The following KLHL6 variants were observed in gnomAD, a reference collection of about 807,000 sequenced individuals.
KLHL6 encodes kelch like family member 6.
A neutral mutation model predicts 58.6 loss-of-function variants in KLHL6; 41 were observed. The observed-to-expected ratio is 0.70, with a 90% confidence interval of 0.55 to 0.91. The LOEUF is 0.91. KLHL6 is among the 40% of genes least tolerant of loss of function. The pLI, the probability that KLHL6 is intolerant of heterozygous loss-of-function variation, is 0.00. For missense variants in KLHL6, 714 were observed against 805.6 expected (o/e 0.89, Z 1.38); for synonymous variants, 338 against 322.7 (o/e 1.05, Z -0.51).
chr3:183,497,030 G>A (rs1717731195), intron 4 of KLHL6, among the ~76,000 whole-genome samples: 1 of 152,048 alleles, frequency 6.6e-6, no homozygotes, highest in African/African-American at 2.4e-5. Flanking sequence ...TGTAATCCCA[G>A]CACTTTGGGA....
At chr3:183,518,188 T>C (rs1189938193) in intron 2 of KLHL6, among the ~76,000 whole-genome samples, 16 of 152,086 alleles carry the variant, frequency 1.1e-4, no homozygotes. Flanking sequence ...GAGTTGGAAG[T>C]TCTGGGTTTA....
At chr3:183,534,084 A>ACTTTACTTTTAAAGTACTTTAAAAGTG in intron 1 of KLHL6, among the ~76,000 whole-genome samples, 1 of 131,422 alleles carries the variant, frequency 7.6e-6, no homozygotes, top group East Asian at 2.0e-4. Context: ...CTTTAAAAGT[A>ACTTTACTTTTAAAGTACTTTAAAAGTG]CTTTACTTTT....
intron 2 of KLHL6, among the ~76,000 whole-genome samples, chr3:183,512,716 C>A (rs1418340974): frequency 1.3e-5 from 2 of 152,096 alleles, no homozygotes; most frequent in Admixed American, 1.3e-4. Flanking sequence ...GTCTCGAACT[C>A]CTGACCTCAG....
chr3:183,512,568 C>T (rs1274207868), intron 2 of KLHL6, among the ~76,000 whole-genome samples: 2 of 151,808 alleles, frequency 1.3e-5, no homozygotes, highest in African/African-American at 2.4e-5. Flanking sequence ...CTTGGCTCAC[C>T]ACAGCCTCCG....
intron 1 of KLHL6, chr3:183,548,917 T>C (rs1712814421): frequency 6.6e-6 from 1 of 151,768 alleles, no homozygotes; most frequent in Non-Finnish European, 1.5e-5. Context: ...ACACCGCATG[T>C]TCTCACTCAT....
chr3:183,518,539 T>C (rs1248832836), intron 2 of KLHL6, among the ~76,000 whole-genome samples: 1 of 152,130 alleles, frequency 6.6e-6, no homozygotes, highest in Non-Finnish European at 1.5e-5. Flanking sequence ...TGGATTTTCA[T>C]TACAATTAAA....
chr3:183,553,740 T>C (rs1342374161), intron 1 of KLHL6, among the ~76,000 whole-genome samples: 1 of 152,234 alleles, frequency 6.6e-6, no homozygotes, highest in Non-Finnish European at 1.5e-5. Flanking sequence ...GCTCCAGCAA[T>C]GACCAGATAT....
chr3:183,499,081 C>T lies in KLHL6; in HGVS notation c.1147+509G>A, dbSNP rs1717793360. On this transcript the variant is annotated intron_variant, in intron 4 of 6. Transcript: ENST00000341319. The surrounding 1 kb of genome is among the most constrained non-coding windows in gnomAD (Gnocchi z 4.6). ...CGCTGGCCGGACGAGGTGGCTCACGCCTGTAATCCCAGCACTTTGGGAGGC... is the reference window on the plus strand; with the variant it reads ...CGCTGGCCGGACGAGGTGGCTCACGTCTGTAATCCCAGCACTTTGGGAGGC... Among the ~76,000 whole-genome samples the T allele has an allele frequency of 6.6e-6, 1 of 152,196 alleles. No homozygotes were observed. The highest frequency in any genetic ancestry group is 2.4e-5 in the African/African-American group (1 of 41,450).
rs763852026 is a variant in KLHL6 at position 183,489,748 on chromosome 3, G to A, written c.*2179C>T. ...AACTGTCACGCTTCTAAGGCACAGA[G>A]CATTTCACACACCAACATACATTTA... On this transcript the variant is annotated 3_prime_UTR_variant, in exon 7 of 7. Transcript: ENST00000341319. The A allele has an allele frequency of 2.0e-5, 3 of 152,210 alleles. No individual in the cohort carries two copies. Among genetic ancestry groups the A allele is most frequent in the Non-Finnish European group, 4.4e-5 (3 of 68,036 alleles). 9.4% of individuals were successfully genotyped at this position (152,210 alleles called of 1,614,324 possible).
intron 4 of KLHL6, among the ~76,000 whole-genome samples, chr3:183,497,021 G>A (rs959174427): frequency 7.2e-5 from 11 of 152,084 alleles, no homozygotes; most frequent in Admixed American, 2.0e-4. Context: ...GCTCACGCCT[G>A]TAATCCCAGC....
At chr3:183,553,273 C>T (rs986381426) in intron 1 of KLHL6, among the ~76,000 whole-genome samples, 3 of 152,158 alleles carry the variant, frequency 2.0e-5, no homozygotes, top group Admixed American at 6.5e-5. Context: ...CCTCCTCTGA[C>T]GACCGGCAGA....
chr3:183,526,314 A>G (rs3928681), intron 2 of KLHL6, among the ~76,000 whole-genome samples: 73,448 of 151,992 alleles, frequency 0.48, 18,964 homozygotes, highest in Non-Finnish European at 0.58. Context: ...TCCATCTCAA[A>G]TAAATAAATA....
intron 1 of KLHL6, among the ~76,000 whole-genome samples, chr3:183,528,656 G>A (rs1306785408): frequency 2.0e-5 from 3 of 152,188 alleles, no homozygotes; most frequent in African/African-American, 7.2e-5. Flanking sequence ...AAGGATGTAG[G>A]TTTTATCGTA....
intron 1 of KLHL6, chr3:183,548,696 T>C (rs986493773): frequency 6.6e-6 from 1 of 152,216 alleles, no homozygotes; most frequent in Non-Finnish European, 1.5e-5. Context: ...AAGCCACATG[T>C]AGATGTTGTA....
chr3:183,491,862 G>A lies in KLHL6; in HGVS notation c.*65C>T. ...GCCTGCTGCCTGAAGTGGGACTGGAGGAGGGTGAGAGGTGAGGCGGGTACG... is the reference window on the plus strand; with the variant it reads ...GCCTGCTGCCTGAAGTGGGACTGGAAGAGGGTGAGAGGTGAGGCGGGTACG... On this transcript the variant is annotated 3_prime_UTR_variant, in exon 7 of 7. Coordinates refer to ENST00000341319, the MANE Select transcript of KLHL6 (RefSeq NM_130446.4). The A allele has an allele frequency of 3.7e-6, 5 of 1,367,728 alleles. No individual in the cohort carries two copies. Among genetic ancestry groups the A allele is most frequent in the Non-Finnish European group, 4.8e-6 (5 of 1,032,862 alleles). 84.7% of individuals were successfully genotyped at this position (1,367,728 alleles called of 1,614,324 possible). A position where few individuals can be genotyped will look rare whatever the true frequency, so the allele number is the denominator to read the frequency against.
chr3:183,525,159 G>A (rs1008530135), intron 2 of KLHL6, among the ~76,000 whole-genome samples: 2 of 152,028 alleles, frequency 1.3e-5, no homozygotes, highest in African/African-American at 4.8e-5. Flanking sequence ...AGCTACTCGG[G>A]AGTCTGAGGC....
At chr3:183,538,488 G>A (rs1245149487) in intron 1 of KLHL6, among the ~76,000 whole-genome samples, 9 of 152,068 alleles carry the variant, frequency 5.9e-5, no homozygotes, top group Admixed American at 4.6e-4. Flanking sequence ...TCTGTGTGGC[G>A]GTGGCTTTAA....
In KLHL6 at chr3:183,490,262, C is replaced by G. The variant is rs575722743; in HGVS notation, c.*1665G>C. The G allele has an allele frequency of 6.6e-6, 1 of 152,194 alleles. No homozygotes were observed. The highest frequency in any genetic ancestry group is 1.5e-5 in the Non-Finnish European group (1 of 68,058). 9.4% of individuals were successfully genotyped at this position (152,194 alleles called of 1,614,324 possible). A position where few individuals can be genotyped will look rare whatever the true frequency, so the allele number is the denominator to read the frequency against. ...CTTCAGGAGGATGGGGTATCAGGAA[C>G]GTGGACCTAAATCACTGTGTAAAAA... is the stretch of plus-strand genomic sequence containing the variant. On this transcript the variant is annotated 3_prime_UTR_variant, in exon 7 of 7. Coordinates refer to ENST00000341319, the MANE Select transcript of KLHL6 (RefSeq NM_130446.4).
intron 2 of KLHL6, among the ~76,000 whole-genome samples, chr3:183,513,778 C>T (rs932502937): frequency 2.0e-5 from 3 of 152,000 alleles, no homozygotes; most frequent in African/African-American, 4.8e-5. Flanking sequence ...CATAGGTATA[C>T]GTGTGCCATG....
Sources: gnomAD v4.1 joint callset for allele counts (sites outside exome capture counted in the v4.1 genomes callset) on GRCh38, gnomAD v4.1.1 for gene constraint, Gnocchi (gnomAD v3.1) non-coding constraint, MANE v1.5 for transcripts, NCBI Gene and HGNC (gene_info 2026-07-23, HGNC 2026-07-21) for gene names.